Variants in RAB30 observed in about 807,000 individuals in gnomAD.
The protein encoded by RAB30 is RAB30, member RAS oncogene family, also known as ras-related protein Rab-30.
A neutral mutation model predicts 25.1 loss-of-function variants in RAB30; 9 were observed. The ratio of observed to expected loss-of-function variants is 0.36; its 90% CI spans 0.22 to 0.63. RAB30 has a LOEUF of 0.63. Ranked by LOEUF, RAB30 falls within the 20% of genes least tolerant of loss-of-function variation. RAB30 has a pLI of 0.69. For missense variants in RAB30, 140 were observed against 243.5 expected, an observed-to-expected ratio of 0.58 and a Z score of 2.83; for synonymous variants, 77 against 86.4, an observed-to-expected ratio of 0.89 and a Z score of 0.60.
At chr11:82,991,561 C>G (rs1856852146) in intron 3 of RAB30, among the ~76,000 whole-genome samples, 1 of 151,246 alleles carries the variant, frequency 6.6e-6, no homozygotes, top group African/African-American at 2.4e-5. Context: ...GCAGTTCTGC[C>G]CTCTTCTAAG....
intron 3 of RAB30, among the ~76,000 whole-genome samples, chr11:82,989,011 C>T (rs1048848634): frequency 2.6e-5 from 4 of 151,718 alleles, no homozygotes; most frequent in African/African-American, 4.8e-5. Flanking sequence ...TCCCACTAAA[C>T]TGAAAGCTTC....
intron 1 of RAB30, among the ~76,000 whole-genome samples, chr11:83,008,460 T>C (rs1254645617): frequency 2.0e-5 from 3 of 152,248 alleles, no homozygotes; most frequent in African/African-American, 7.2e-5. Flanking sequence ...GAATGACTAC[T>C]TGTCTAGAGC....
chr11:83,015,898 G>A (rs1428774468), intron 1 of RAB30, among the ~76,000 whole-genome samples: 1 of 152,206 alleles, frequency 6.6e-6, no homozygotes, highest in Non-Finnish European at 1.5e-5. Context: ...AACACTTTGG[G>A]AGAATGAGGC....
chr11:83,039,458 A>G (rs1858055920), intron 1 of RAB30, among the ~76,000 whole-genome samples: 1 of 152,198 alleles, frequency 6.6e-6, no homozygotes, highest in African/African-American at 2.4e-5. Flanking sequence ...GCAGGCAGAT[A>G]ACTTGAGCTC....
chr11:83,051,850 T>A (rs1312353930), intron 1 of RAB30, among the ~76,000 whole-genome samples: 2 of 152,200 alleles, frequency 1.3e-5, no homozygotes, highest in Non-Finnish European at 2.9e-5. Flanking sequence ...AGCTCTGCTG[T>A]CCCAGAATCT....
rs189428415 is a variant in RAB30 at position 83,004,888 on chromosome 11, T to A, written c.-8-7564A>T. Among the ~76,000 whole-genome samples, 23 of 152,228 alleles carry A rather than the reference T, an allele frequency of 1.5e-4. No homozygotes were observed. In the East Asian group the frequency reaches 4.3e-3, roughly 28 times the overall value. On this transcript the variant is annotated intron_variant, in intron 1 of 4. Transcript: ENST00000527633. ...CATCTTTCCGCCTAACAAGGTTCTG[T>A]CCCTGGAAGCTCATTATTGCTTAAT...
chr11:83,060,578 TCAC>T (rs1488588279), intron 1 of RAB30, among the ~76,000 whole-genome samples: 1 of 152,210 alleles, frequency 6.6e-6, no homozygotes, highest in Non-Finnish European at 1.5e-5. Flanking sequence ...CAAAAAATTC[TCAC>T]CACAAGTGTT....
chr11:82,995,724 G>A (rs1041016635), intron 2 of RAB30, among the ~76,000 whole-genome samples: 3 of 152,138 alleles, frequency 2.0e-5, no homozygotes, highest in African/African-American at 7.2e-5. Context: ...TAAAGAGAAT[G>A]GTCTCAGAAG....
intron 3 of RAB30, among the ~76,000 whole-genome samples, chr11:82,993,682 C>T (rs1050016217): frequency 2.0e-5 from 3 of 152,136 alleles, no homozygotes; most frequent in African/African-American, 7.2e-5. Context: ...ATGTAGAAAT[C>T]GGGAGGCTCT....
At chr11:83,052,444 A>G (rs897849924) in intron 1 of RAB30, among the ~76,000 whole-genome samples, 5 of 152,220 alleles carry the variant, frequency 3.3e-5, no homozygotes, top group African/African-American at 1.2e-4. Context: ...TGGCCTGGCT[A>G]GAGGAGACTT....
At chr11:83,003,992 T>C (rs1009902896) in intron 1 of RAB30, among the ~76,000 whole-genome samples, 2 of 152,276 alleles carry the variant, frequency 1.3e-5, no homozygotes, top group Admixed American at 1.3e-4. Flanking sequence ...TTGAGAAATA[T>C]TAAATACTAT....
At chr11:83,053,398 C>T (rs1233697480) in intron 1 of RAB30, among the ~76,000 whole-genome samples, 3 of 152,232 alleles carry the variant, frequency 2.0e-5, no homozygotes, top group South Asian at 2.1e-4. Context: ...TCAACCTCCA[C>T]TTCAATTTCT....
chr11:83,015,912 C>A (rs1421166561), intron 1 of RAB30, among the ~76,000 whole-genome samples: 2 of 152,142 alleles, frequency 1.3e-5, no homozygotes, highest in Non-Finnish European at 2.9e-5. Flanking sequence ...ATGAGGCAGG[C>A]AGATCCCTTG....
intron 1 of RAB30, among the ~76,000 whole-genome samples, chr11:83,060,545 G>A (rs1858548710): frequency 6.6e-6 from 1 of 152,182 alleles, no homozygotes; most frequent in Non-Finnish European, 1.5e-5. Context: ...CACCTATGAT[G>A]CACGGGGAGG....
At chr11:83,064,077 A>C (rs1222345733) in intron 1 of RAB30, among the ~76,000 whole-genome samples, 1 of 152,074 alleles carries the variant, frequency 6.6e-6, no homozygotes, top group Non-Finnish European at 1.5e-5. Context: ...TATACAGTCC[A>C]TGTGTTTTTC....
intron 1 of RAB30, among the ~76,000 whole-genome samples, chr11:83,069,908 G>C (rs905743643): frequency 1.2e-4 from 18 of 152,144 alleles, no homozygotes; most frequent in African/African-American, 4.1e-4. Context: ...AAAAGGCAAA[G>C]AAATTCTCTT....
At chr11:83,065,661 T>G (rs138444040) in intron 1 of RAB30, among the ~76,000 whole-genome samples, 58 of 152,282 alleles carry the variant, frequency 3.8e-4, no homozygotes, top group African/African-American at 1.4e-3. Context: ...CTAAATTATC[T>G]TTTTCCTCAT....
chr11:83,007,283 T>C (rs1857204570), intron 1 of RAB30, among the ~76,000 whole-genome samples: 1 of 152,124 alleles, frequency 6.6e-6, no homozygotes, highest in African/African-American at 2.4e-5. Flanking sequence ...TGCCATGGAT[T>C]GGGGGTGGAG....
At chr11:82,983,106 T>A (rs577880480) in intron 4 of RAB30, among the ~76,000 whole-genome samples, 36 of 152,060 alleles carry the variant, frequency 2.4e-4, no homozygotes, top group Middle Eastern at 3.4e-3. Context: ...TACGCAACTG[T>A]CTATCCAAGA....
Sources: gnomAD v4.1 joint callset for allele counts (sites outside exome capture counted in the v4.1 genomes callset) on GRCh38, gnomAD v4.1.1 for gene constraint, MANE v1.5 for transcripts, NCBI Gene and HGNC (gene_info 2026-07-23, HGNC 2026-07-21) for gene names.